The following LRFN2 variants were observed in gnomAD, a reference collection of about 807,000 sequenced individuals.
LRFN2 encodes the protein leucine rich repeat and fibronectin type III domain containing 2.
In LRFN2, 18 loss-of-function variants were observed where a neutral mutation model predicts 37.3. The observed-to-expected ratio is 0.48, with a 90% CI of 0.33 to 0.72. The LOEUF (loss-of-function observed/expected upper bound fraction) is 0.72, where lower values mean the gene tolerates loss of function less well. Ranked by LOEUF, LRFN2 falls within the 30% of genes least tolerant of loss-of-function variation. The pLI, the probability that LRFN2 is intolerant of heterozygous loss-of-function variation, is 0.02. For missense variants in LRFN2, 1,006 were observed against 1,060.7 expected, an observed-to-expected ratio of 0.95 and a Z score of 0.72; for synonymous variants, 556 against 466.6, an observed-to-expected ratio of 1.19 and a Z score of -2.47.
intron 1 of LRFN2, among the ~76,000 whole-genome samples, chr6:40,480,691 C>T (rs941237178): frequency 1.3e-5 from 2 of 152,104 alleles, no homozygotes; most frequent in Non-Finnish European, 2.9e-5. Flanking sequence ...AAATGAGTCT[C>T]TTATTTCTCT....
intron 2 of LRFN2, among the ~76,000 whole-genome samples, chr6:40,410,395 A>C (rs937922981): frequency 6.6e-6 from 1 of 152,180 alleles, no homozygotes; most frequent in African/African-American, 2.4e-5. Context: ...GGGCAGCAGC[A>C]CGTCCCTGAC....
intron 2 of LRFN2, among the ~76,000 whole-genome samples, chr6:40,420,226 G>A (rs1763190876): frequency 1.3e-5 from 2 of 152,202 alleles, no homozygotes; most frequent in African/African-American, 4.8e-5. Flanking sequence ...ACCCCGGGGT[G>A]GCCCATCGCG....
Position 40,432,341 on chromosome 6 carries a change from C to G in LRFN2, c.773G>C (p.Arg258Pro), listed in dbSNP as rs73732617. ...CELLWLRRLE[R>P]DDDLETCGSP... ...GCCACAGGTTTCCAGGTCATCGTCCCGCTCGAGCCTCCGCAGCCAGAGAAG... is the reference window on the plus strand; with the variant it reads ...GCCACAGGTTTCCAGGTCATCGTCCGGCTCGAGCCTCCGCAGCCAGAGAAG... Residue 258 changes from arginine to proline, a missense_variant, in exon 2 of 3, where the codon CGG (arginine) becomes CCG (proline). This residue lies in a region of LRFN2 where 303 missense variants were observed against 299.8 expected (regional missense o/e 1.01). Coordinates refer to ENST00000338305, the MANE Select transcript of LRFN2 (RefSeq NM_020737.3). 50 of 1,614,164 alleles carry G rather than the reference C, an allele frequency of 3.1e-5. 1 individual carries two copies. The South Asian group carries it at 5.2e-4, about 17-fold the overall frequency.
At chr6:40,577,423 C>G (rs1767307811) in intron 1 of LRFN2, among the ~76,000 whole-genome samples, 1 of 152,158 alleles carries the variant, frequency 6.6e-6, no homozygotes, top group Non-Finnish European at 1.5e-5. Flanking sequence ...TTTTCTTGCC[C>G]CAAATACTTT....
At chr6:40,503,752 T>C (rs1034137778) in intron 1 of LRFN2, among the ~76,000 whole-genome samples, 3 of 152,052 alleles carry the variant, frequency 2.0e-5, no homozygotes, top group African/African-American at 4.8e-5. Flanking sequence ...GGGCGTGCCA[T>C]TGGAGGCAAG....
intron 2 of LRFN2, among the ~76,000 whole-genome samples, chr6:40,407,241 C>CTATTTAATTG (rs1442364950): frequency 1.3e-5 from 2 of 152,204 alleles, no homozygotes; most frequent in Non-Finnish European, 2.9e-5. Context: ...GAAGTCTTCT[C>CTATTTAATTG]TATTTAATTG....
intron 1 of LRFN2, among the ~76,000 whole-genome samples, chr6:40,554,047 C>T (rs910612171): frequency 9.2e-5 from 14 of 152,232 alleles, no homozygotes; most frequent in Admixed American, 5.2e-4. Flanking sequence ...CTGTCAACCC[C>T]CTTCTTCCCC....
Position 40,483,502 on chromosome 6 carries a change from A to G in LRFN2, c.-18-50371T>C, listed in dbSNP as rs189675680. Reference sequence around the variant, plus strand: ...CTTGACCTCTGATGGGAAGCCAATGAGGCTACAAGAACAACAATGGCAACG... The same window carrying G: ...CTTGACCTCTGATGGGAAGCCAATGGGGCTACAAGAACAACAATGGCAACG... On this transcript the variant is annotated intron_variant, in intron 1 of 2. Coordinates refer to ENST00000338305, the MANE Select transcript of LRFN2 (RefSeq NM_020737.3). Among the ~76,000 whole-genome samples the G allele has an allele frequency of 3.5e-3, 534 of 152,376 alleles. 3 individuals are homozygous for G. The highest frequency in any genetic ancestry group is 0.012 in the African/African-American group (488 of 41,596).
At chr6:40,429,273 C>T (rs1763424188) in intron 2 of LRFN2, among the ~76,000 whole-genome samples, 1 of 152,230 alleles carries the variant, frequency 6.6e-6, no homozygotes, top group Non-Finnish European at 1.5e-5. Context: ...TCCTCCTCCT[C>T]CCAGTATCTT....
intron 1 of LRFN2, among the ~76,000 whole-genome samples, chr6:40,500,151 T>C (rs2436734): frequency 0.47 from 70,961 of 151,956 alleles, 16,957 homozygotes; most frequent in East Asian, 0.6. Flanking sequence ...CCCATCAGCC[T>C]GGTGTTCTCA....
intron 1 of LRFN2, among the ~76,000 whole-genome samples, chr6:40,532,245 C>T (rs563203825): frequency 2.1e-4 from 32 of 152,312 alleles, no homozygotes; most frequent in African/African-American, 6.7e-4. Context: ...CAGTCTAGTC[C>T]TACTTGGGGT....
intron 2 of LRFN2, among the ~76,000 whole-genome samples, chr6:40,410,084 C>T (rs1762933370): frequency 6.6e-6 from 1 of 152,144 alleles, no homozygotes; most frequent in Admixed American, 6.5e-5. Context: ...AGGTGGGCAG[C>T]TGGGAAGCCC....
At chr6:40,495,056 A>AAC (rs1765193844) in intron 1 of LRFN2, among the ~76,000 whole-genome samples, 1 of 152,220 alleles carries the variant, frequency 6.6e-6, no homozygotes, top group Admixed American at 6.5e-5. Context: ...TCTAGGGAAT[A>AAC]ACACACAGGT....
intron 1 of LRFN2, among the ~76,000 whole-genome samples, chr6:40,470,345 C>T (rs1042093938): frequency 5.9e-5 from 9 of 152,234 alleles, no homozygotes; most frequent in African/African-American, 2.2e-4. Flanking sequence ...GGCGCAGTGG[C>T]TCACGCCTGT....
chr6:40,486,048 G>A (rs933632852), intron 1 of LRFN2, among the ~76,000 whole-genome samples: 3 of 152,226 alleles, frequency 2.0e-5, no homozygotes, highest in Admixed American at 6.5e-5. Context: ...TCCCTCCTGC[G>A]GGGCGAGGGT....
chr6:40,399,038 G>A (rs1463105738), intron 2 of LRFN2, among the ~76,000 whole-genome samples: 2 of 151,932 alleles, frequency 1.3e-5, no homozygotes, highest in Non-Finnish European at 2.9e-5. Context: ...CTGCCAGTTG[G>A]AGTTGGCCAA....
intron 1 of LRFN2, among the ~76,000 whole-genome samples, chr6:40,505,169 C>A (rs986471083): frequency 6.6e-6 from 1 of 152,170 alleles, no homozygotes; most frequent in Non-Finnish European, 1.5e-5. Flanking sequence ...TGTTTATAAC[C>A]TGTCAGTGGG....
Position 40,392,861 on chromosome 6 carries a change from C to T in LRFN2, c.1452G>A (p.Gly484=). 6.2e-7 allele frequency: 1 copy of T among 1,613,724 alleles called. No homozygotes were observed. The highest frequency in any genetic ancestry group is 8.5e-7 in the Non-Finnish European group (1 of 1,179,868). ...CCAGCACACACAAGTCGTAGCCAGT[C>T]CCTGACACCAGGTTGTTGACCACGA... ...KAFVVNNLVS[G]TGYDLCVLAM... Residue 484 remains glycine, a synonymous_variant, in exon 3 of 3, where the codon GGG becomes GGA. Coordinates refer to ENST00000338305, the MANE Select transcript of LRFN2 (RefSeq NM_020737.3). This position sits in a 1 kb window ranked among gnomAD's most constrained non-coding sequence, Gnocchi z 4.7.
At chr6:40,518,946 G>A (rs1765966422) in intron 1 of LRFN2, among the ~76,000 whole-genome samples, 2 of 152,156 alleles carry the variant, frequency 1.3e-5, no homozygotes. Context: ...AGAGTCTGGG[G>A]GCAGCAGAGA....
Sources: gnomAD v4.1 joint callset for allele counts (sites outside exome capture counted in the v4.1 genomes callset) on GRCh38, gnomAD v4.1.1 for gene constraint, gnomAD v4.1.1 regional missense constraint, Gnocchi (gnomAD v3.1) non-coding constraint, MANE v1.5 for transcripts, NCBI Gene and HGNC (gene_info 2026-07-23, HGNC 2026-07-21) for gene names.